The following COL19A1 variants were observed in gnomAD, a reference collection of about 807,000 sequenced individuals.
COL19A1 encodes the protein collagen alpha-1(XIX) chain.
Under a neutral mutation model 190.2 loss-of-function variants are expected in COL19A1, and 159 were observed. The observed-to-expected ratio is 0.84, with a 90% CI of 0.73 to 0.95. COL19A1 has a LOEUF of 0.95. COL19A1 is among the 40% of genes least tolerant of loss of function. The pLI is 0.00. For missense variants in COL19A1, 1,418 were observed against 1,431.9 expected, an observed-to-expected ratio of 0.99 and a Z score of 0.16; for synonymous variants, 509 against 458.9, an observed-to-expected ratio of 1.11 and a Z score of -1.39.
intron 14 of COL19A1, among the ~76,000 whole-genome samples, chr6:70,046,056 A>G (rs1779895050): frequency 6.6e-6 from 1 of 152,164 alleles, no homozygotes; most frequent in Non-Finnish European, 1.5e-5. Flanking sequence ...CTGGAAGCCC[A>G]TTTTTGTAAT....
At chr6:70,138,727 C>T (rs1786039718) in intron 19 of COL19A1, among the ~76,000 whole-genome samples, 1 of 152,090 alleles carries the variant, frequency 6.6e-6, no homozygotes, top group African/African-American at 2.4e-5. Context: ...GCTTTAGAAT[C>T]AGTCTGTGGC....
intron 14 of COL19A1, among the ~76,000 whole-genome samples, chr6:70,066,884 G>A (rs1281323667): frequency 3.3e-5 from 5 of 152,092 alleles, no homozygotes; most frequent in Non-Finnish European, 4.4e-5. Context: ...TTTAATAGAT[G>A]ATGGGTGAAT....
chr6:70,080,881 A>G (rs1782206473), intron 15 of COL19A1, among the ~76,000 whole-genome samples: 1 of 152,192 alleles, frequency 6.6e-6, no homozygotes, highest in Admixed American at 6.5e-5. Flanking sequence ...CTCTACTGGT[A>G]ACTTACTATG....
At chr6:70,029,522 C>T (rs1371722281) in intron 12 of COL19A1, among the ~76,000 whole-genome samples, 1 of 152,138 alleles carries the variant, frequency 6.6e-6, no homozygotes, top group Non-Finnish European at 1.5e-5. Context: ...CCATTTGGCT[C>T]TTTATGCCTA....
chr6:70,046,756 G>C (rs1334172660), intron 14 of COL19A1, among the ~76,000 whole-genome samples: 1 of 151,960 alleles, frequency 6.6e-6, no homozygotes, highest in Admixed American at 6.6e-5. Context: ...TCAGCAACTT[G>C]TTAAACTCAT....
chr6:69,902,447 G>A lies in COL19A1; in HGVS notation c.266+2109G>A, dbSNP rs548703619. On this transcript the variant is annotated intron_variant, in intron 4 of 50. Transcript: ENST00000620364. ...AGGCATATTCAATGCCTTGAGCCTT[G>A]CTTAATGTAAAACTCCCAAAGACCG... Among the ~76,000 whole-genome samples the A allele has an allele frequency of 2.0e-5, 3 of 152,230 alleles. No homozygotes were observed. The South Asian group carries it at 6.2e-4, about 32-fold the overall frequency.
intron 7 of COL19A1, among the ~76,000 whole-genome samples, chr6:69,934,968 G>T (rs973849388): frequency 2.0e-5 from 3 of 151,764 alleles, no homozygotes. Flanking sequence ...ATCTAATTTT[G>T]TCCTGGAATT....
intron 16 of COL19A1, among the ~76,000 whole-genome samples, chr6:70,115,677 C>T (rs916345141): frequency 2.0e-5 from 3 of 152,088 alleles, no homozygotes; most frequent in African/African-American, 7.2e-5. Context: ...CCCATTTAAT[C>T]CCAAGTATGA....
chr6:70,125,627 A>C (rs1785150875), intron 17 of COL19A1, among the ~76,000 whole-genome samples: 1 of 152,234 alleles, frequency 6.6e-6, no homozygotes, highest in Admixed American at 6.5e-5. Flanking sequence ...CAAATGAGGA[A>C]TAGAGAGACA....
At chr6:70,060,739 A>G (rs575235703) in intron 14 of COL19A1, among the ~76,000 whole-genome samples, 6 of 152,302 alleles carry the variant, frequency 3.9e-5, no homozygotes, top group Non-Finnish European at 8.8e-5. Flanking sequence ...CGGTGAGTGT[A>G]TAATTATTTC....
At chr6:70,040,805 C>T (rs145797995) in intron 14 of COL19A1, among the ~76,000 whole-genome samples, 1 of 152,260 alleles carries the variant, frequency 6.6e-6, no homozygotes, top group African/African-American at 2.4e-5. Context: ...AATATTCTGT[C>T]AATCTACTTG....
intron 4 of COL19A1, among the ~76,000 whole-genome samples, chr6:69,920,246 C>T (rs1447202742): frequency 1.3e-5 from 2 of 152,106 alleles, no homozygotes; most frequent in Non-Finnish European, 2.9e-5. Flanking sequence ...GGTTCTGACA[C>T]CTGGACACTG....
chr6:70,103,968 G>T (rs147869204), intron 16 of COL19A1, among the ~76,000 whole-genome samples: 2 of 152,172 alleles, frequency 1.3e-5, no homozygotes, highest in African/African-American at 4.8e-5. Flanking sequence ...GTGACCTAAA[G>T]ACCAAAAACA....
intron 11 of COL19A1, among the ~76,000 whole-genome samples, chr6:69,980,558 A>T (rs1168528061): frequency 3.3e-5 from 5 of 152,178 alleles, no homozygotes; most frequent in Non-Finnish European, 7.4e-5. Flanking sequence ...TAAAAATTAA[A>T]TGTTTCAGTG....
chr6:69,934,620 A>G, intron 7 of COL19A1, among the ~76,000 whole-genome samples: 1 of 151,954 alleles, frequency 6.6e-6, no homozygotes, highest in East Asian at 1.9e-4. Context: ...CACATTATGA[A>G]CAAAAGATTT....
chr6:69,999,051 A>T (rs1777091646), intron 11 of COL19A1, among the ~76,000 whole-genome samples: 2 of 151,486 alleles, frequency 1.3e-5, no homozygotes, highest in Admixed American at 1.3e-4. Context: ...CAGCCTCCCG[A>T]GTAGCTGGGA....
At chr6:70,201,299 C>G (rs1163183592) in intron 49 of COL19A1, among the ~76,000 whole-genome samples, 1 of 152,192 alleles carries the variant, frequency 6.6e-6, no homozygotes, top group African/African-American at 2.4e-5. Flanking sequence ...TCAGACACCT[C>G]ACAGGTGCTG....
chr6:69,894,053 A>T (rs1485148955), intron 2 of COL19A1, among the ~76,000 whole-genome samples: 1 of 151,994 alleles, frequency 6.6e-6, no homozygotes, highest in Non-Finnish European at 1.5e-5. Context: ...CTCTAAAAAT[A>T]TATAAAACCA....
At chr6:70,095,489 T>C (rs1241286519) in intron 15 of COL19A1, among the ~76,000 whole-genome samples, 1 of 152,224 alleles carries the variant, frequency 6.6e-6, no homozygotes, top group Non-Finnish European at 1.5e-5. Flanking sequence ...AACTACCATG[T>C]ACTGGACATT....
Sources: allele counts gnomAD v4.1 joint callset (sites outside exome capture counted in the v4.1 genomes callset), GRCh38; gene constraint gnomAD v4.1.1; transcripts MANE v1.5; gene names NCBI Gene and HGNC (gene_info 2026-07-23, HGNC 2026-07-21).